HNRNPA3: variants seen among roughly 807,000 people sequenced by gnomAD.
The protein encoded by HNRNPA3 is heterogeneous nuclear ribonucleoprotein A3.
HNRNPA3 carries 3 observed loss-of-function variants against 45.8 expected under a neutral mutation model. That is an observed-to-expected ratio of 0.07 (90% CI 0.03 to 0.17). HNRNPA3 has a LOEUF of 0.17. Among genes scored for constraint, HNRNPA3 ranks in the 10% least tolerant of loss-of-function variants. HNRNPA3 has a pLI of 1.00. For synonymous variants in HNRNPA3, 170 were observed against 155.6 expected (o/e 1.09, Z -0.69); for missense variants, 183 against 480.3 (o/e 0.38, Z 5.79).
chr2:177,214,831 G>T (rs1386361200), intron 1 of HNRNPA3, among the ~76,000 whole-genome samples: 1 of 152,140 alleles, frequency 6.6e-6, no homozygotes, highest in East Asian at 1.9e-4. Context: ...ATGCATGTTG[G>T]GTTGTAGACT....
At chr2:177,218,343 T>C (rs1689046090) in intron 8 of HNRNPA3, among the ~76,000 whole-genome samples, 2 of 152,350 alleles carry the variant, frequency 1.3e-5, no homozygotes, top group East Asian at 3.9e-4. Context: ...ATTACAGGCA[T>C]GAGCCACTGC....
chr2:177,222,868 T>C (rs1196550149), downstream of HNRNPA3: 1 of 152,678 alleles, frequency 6.5e-6, no homozygotes, highest in African/African-American at 2.4e-5. Flanking sequence ...GGGAATTCAT[T>C]GGACCAATAG....
rs1688971977 is a variant in HNRNPA3, at chr2:177,217,031, C to G, written c.820+91C>G. The G allele has an allele frequency of 3.9e-6, 5 of 1,274,862 alleles. No homozygotes were observed. The East Asian group carries it at 1.3e-4, about 33-fold the overall frequency. 79.0% of individuals were successfully genotyped at this position (1,274,862 alleles called of 1,614,324 possible). ...TACACTTTTCTAATTTTAGTTAAAACTTCAGTGGCTAAATGGTTAAGGTGT... is the reference window on the plus strand; with the variant it reads ...TACACTTTTCTAATTTTAGTTAAAAGTTCAGTGGCTAAATGGTTAAGGTGT... On this transcript the variant is annotated intron_variant, in intron 7 of 10. Coordinates refer to ENST00000392524, the Ensembl canonical transcript of HNRNPA3.
chr2:177,221,035 T>A (rs1689169141), downstream of HNRNPA3: 1 of 152,646 alleles, frequency 6.6e-6, no homozygotes, highest in Admixed American at 6.5e-5. Context: ...GTTGCTCTAA[T>A]TCTGTGCCTC....
intron 7 of HNRNPA3, among the ~76,000 whole-genome samples, chr2:177,217,377 G>A (rs1384491337): frequency 6.6e-6 from 1 of 152,244 alleles, no homozygotes; most frequent in Non-Finnish European, 1.5e-5. Context: ...CCAGAGTTGA[G>A]TAATTCTAGC....
At chr2:177,213,392 C>T (rs982833107) in intron 1 of HNRNPA3, among the ~76,000 whole-genome samples, 2 of 152,380 alleles carry the variant, frequency 1.3e-5, no homozygotes, top group African/African-American at 4.8e-5. Flanking sequence ...GCAGAAAAAG[C>T]CGCAAATGGC....
chr2:177,215,495 C>CT (rs1439784578), intron 1 of HNRNPA3, 44 bp from the exon 2 acceptor site: 21 of 1,594,426 alleles, frequency 1.3e-5, no homozygotes, highest in Admixed American at 1.7e-5. Flanking sequence ...CATCTTAATT[C>CT]ATCTACTGTA....
At chr2:177,217,731 T>C (rs1689006516) in exon 8 of HNRNPA3, 1 of 1,613,054 alleles carries the variant, frequency 6.2e-7, no homozygotes, top group Non-Finnish European at 8.5e-7. Flanking sequence ...TGGTCCTGGT[T>C]ATAGTAGTAG....
chr2:177,220,404 A>C (rs893048919), downstream of HNRNPA3: 1 of 154,518 alleles, frequency 6.5e-6, no homozygotes, highest in African/African-American at 2.4e-5. Context: ...TATCTGAGCA[A>C]ATTAGTGGGT....
chr2:177,219,477 T>C (rs1394275426), exon 11 of HNRNPA3: 1 of 534,946 alleles, frequency 1.9e-6, no homozygotes, highest in Admixed American at 3.5e-5. Context: ...GAGACAGTCG[T>C]CCCAAATGCA....
intron 8 of HNRNPA3, 30 bp from the exon 9 acceptor site, chr2:177,219,007 A>T (rs1317027395): frequency 6.2e-7 from 1 of 1,608,606 alleles, no homozygotes; most frequent in Non-Finnish European, 8.5e-7. Flanking sequence ...TTGTGTAGGT[A>T]AACCACACAT....
At chr2:177,214,774 G>T (rs1285952586) in intron 1 of HNRNPA3, among the ~76,000 whole-genome samples, 6 of 152,172 alleles carry the variant, frequency 3.9e-5, no homozygotes, top group Non-Finnish European at 8.8e-5. Context: ...TAGCCTGGGC[G>T]ACAGAGCGAG....
intron 10 of HNRNPA3, 38 bp from the exon 11 acceptor site, chr2:177,219,370 T>C: frequency 4.6e-6 from 6 of 1,297,620 alleles, no homozygotes; most frequent in Admixed American, 3.9e-5. Context: ...AACTGTTCAC[T>C]GAGTGTAATA....
At chr2:177,216,380 C>T (rs1270402005) in intron 4 of HNRNPA3, 123 bp from the exon 5 acceptor site, 4 of 754,686 alleles carry the variant, frequency 5.3e-6, no homozygotes, top group Non-Finnish European at 8.6e-6. Context: ...AATGCTCCTT[C>T]ATTACCAGAG....
intron 8 of HNRNPA3, among the ~76,000 whole-genome samples, chr2:177,218,052 CTTTTTTTTTTTTTTTTTT>C (rs58476089): frequency 6.0e-4 from 61 of 102,178 alleles, no homozygotes; most frequent in Non-Finnish European, 1.0e-3. Context: ...TCTCTTTTTT[CTTTTTTTTTTTTTTTTTT>C]TTTTTTTTTG....
chr2:177,223,487 C>T (rs966563636), downstream of HNRNPA3: 1 of 152,002 alleles, frequency 6.6e-6, no homozygotes, highest in Middle Eastern at 3.4e-3. Context: ...TAATATTACA[C>T]TTCTAAAAAG....
At position 177,215,676 on chromosome 2, in the gene HNRNPA3, G is replaced by A. The variant is rs753472766; in HGVS notation, c.195+15G>A. On this transcript the variant is annotated intron_variant, in intron 2 of 10. Transcript: ENST00000392524. ...CAGATTGTGTGGTAAGTTACTAAGA[G>A]AACAGAAGGGTTCTAAGGGGTGTAG... is the stretch of plus-strand genomic sequence containing the variant. The A allele has an allele frequency of 8.1e-6, 13 of 1,613,758 alleles. No individual in the cohort carries two copies. In the Admixed American group the frequency reaches 1.8e-4, roughly 23 times the overall value.
chr2:177,218,401 AT>A (rs542660766), intron 8 of HNRNPA3, among the ~76,000 whole-genome samples: 12 of 152,178 alleles, frequency 7.9e-5, no homozygotes, highest in Non-Finnish European at 1.8e-4. Context: ...AAAAATGGAC[AT>A]TTACCAGTAT....
At chr2:177,222,917 T>TAAGCAGTGGGG (rs1298313432), downstream of HNRNPA3, 3 of 152,662 alleles carry the variant, frequency 2.0e-5, no homozygotes, top group African/African-American at 7.2e-5. Flanking sequence ...GTTCATCTGT[T>TAAGCAGTGGGG]AAGCAGTGGG....
Sources: allele counts gnomAD v4.1 joint callset (sites outside exome capture counted in the v4.1 genomes callset), GRCh38; gene constraint gnomAD v4.1.1; transcripts MANE v1.5; gene names NCBI Gene and HGNC (gene_info 2026-07-23, HGNC 2026-07-21).